STAG1: variants seen among roughly 807,000 people sequenced by gnomAD.
STAG1 encodes the protein cohesin subunit SA-1.
A neutral mutation model predicts 170.9 loss-of-function variants in STAG1; 26 were observed. The ratio of observed to expected loss-of-function variants is 0.15; its 90% confidence interval spans 0.11 to 0.21. The LOEUF (loss-of-function observed/expected upper bound fraction) is 0.21. Among genes scored for constraint, STAG1 ranks in the 10% least tolerant of loss-of-function variants. The pLI, the probability that STAG1 is intolerant of heterozygous loss-of-function variation, is 1.00. For synonymous variants in STAG1, 514 were observed against 497.7 expected, an observed-to-expected ratio of 1.03 and a Z score of -0.44; for missense variants, 964 against 1,509.5, an observed-to-expected ratio of 0.64 and a Z score of 5.99.
At chr3:136,719,409 T>G (rs1244911936) in intron 1 of STAG1, among the ~76,000 whole-genome samples, 1 of 151,996 alleles carries the variant, frequency 6.6e-6, no homozygotes, top group Non-Finnish European at 1.5e-5. Context: ...GTGATAGAAG[T>G]ATTCTGAAAT....
rs1342149445 is a variant in STAG1 at position 136,337,710 on chromosome 3, A to ATTAT, written c.*540_*543dup. ...TAGCTTGTCAATGTTCTGCTCCTTC[A>ATTAT]TTATTTGTGTTCCACAAAGGTCAAC... On this transcript the variant is annotated 3_prime_UTR_variant, in exon 34 of 34. Coordinates refer to ENST00000383202, the MANE Select transcript of STAG1 (RefSeq NM_005862.3). 2 of 152,642 alleles carry ATTAT rather than the reference A, an allele frequency of 1.3e-5. No individual in the cohort carries two copies. The highest frequency in any genetic ancestry group is 3.8e-4 in the East Asian group (2 of 5,196). 9.5% of individuals were successfully genotyped at this position (152,642 alleles called of 1,614,324 possible).
At chr3:136,744,725 G>A (rs919153758) in intron 1 of STAG1, among the ~76,000 whole-genome samples, 1 of 146,154 alleles carries the variant, frequency 6.8e-6, no homozygotes, top group Non-Finnish European at 1.5e-5. Context: ...ACCTACGCTG[G>A]AATGCAGTGG....
intron 5 of STAG1, among the ~76,000 whole-genome samples, chr3:136,547,606 C>G (rs1936209793): frequency 6.6e-6 from 1 of 152,176 alleles, no homozygotes; most frequent in Non-Finnish European, 1.5e-5. Context: ...CTTTCTGTGG[C>G]TGGCTTATTT....
chr3:136,645,996 T>C (rs941147954), intron 1 of STAG1, among the ~76,000 whole-genome samples: 24 of 152,180 alleles, frequency 1.6e-4, no homozygotes, highest in African/African-American at 5.6e-4. Context: ...CTACTTCATG[T>C]GCTACACTCC....
chr3:136,373,515 T>C (rs1937460669), intron 23 of STAG1, among the ~76,000 whole-genome samples: 1 of 152,198 alleles, frequency 6.6e-6, no homozygotes, highest in East Asian at 1.9e-4. Flanking sequence ...TACACACTGC[T>C]TTGAATGTGT....
At chr3:136,723,658 G>A (rs1933456762) in intron 1 of STAG1, among the ~76,000 whole-genome samples, 1 of 145,498 alleles carries the variant, frequency 6.9e-6, no homozygotes, top group Admixed American at 6.8e-5. Flanking sequence ...AGGGAGGTGG[G>A]GGGGTCAGCC....
chr3:136,605,506 ACT>A (rs1415963244), intron 3 of STAG1, among the ~76,000 whole-genome samples: 9 of 151,688 alleles, frequency 5.9e-5, no homozygotes, highest in African/African-American at 1.9e-4. Flanking sequence ...ATTTCTTGAA[ACT>A]CTCTTAACAG....
intron 1 of STAG1, among the ~76,000 whole-genome samples, chr3:136,640,659 G>A (rs1269731861): frequency 9.4e-5 from 14 of 149,372 alleles, no homozygotes; most frequent in African/African-American, 3.0e-4. Context: ...ATGAGCCACC[G>A]CACCTGGCCT....
At chr3:136,461,692 AAAAC>A (rs2089279699) in intron 13 of STAG1, among the ~76,000 whole-genome samples, 2 of 152,152 alleles carry the variant, frequency 1.3e-5, no homozygotes, top group Non-Finnish European at 2.9e-5. Flanking sequence ...AATAAAAGGA[AAAAC>A]AGACAAATGA....
At chr3:136,486,528 C>T (rs916170218) in intron 9 of STAG1, among the ~76,000 whole-genome samples, 4 of 152,162 alleles carry the variant, frequency 2.6e-5, no homozygotes, top group Non-Finnish European at 4.4e-5. Flanking sequence ...AGTATCTCTG[C>T]CGAGGATCCA....
At chr3:136,457,238 C>A (rs1362422757) in intron 13 of STAG1, among the ~76,000 whole-genome samples, 1 of 152,082 alleles carries the variant, frequency 6.6e-6, no homozygotes, top group African/African-American at 2.4e-5. Flanking sequence ...TGGATGGAAT[C>A]CAAGGCTCAG....
At chr3:136,574,974 C>T (rs1027953283) in intron 4 of STAG1, among the ~76,000 whole-genome samples, 1 of 152,082 alleles carries the variant, frequency 6.6e-6, no homozygotes, top group Admixed American at 6.6e-5. Context: ...CTTGCAATAA[C>T]AGATTTAAAA....
At chr3:136,476,765 A>C (rs192744300) in intron 10 of STAG1, among the ~76,000 whole-genome samples, 2 of 152,256 alleles carry the variant, frequency 1.3e-5, no homozygotes, top group East Asian at 3.9e-4. Flanking sequence ...AATTCCAATA[A>C]CTTATCACTC....
At chr3:136,357,457 G>C (rs1465841283) in intron 28 of STAG1, among the ~76,000 whole-genome samples, 1 of 152,156 alleles carries the variant, frequency 6.6e-6, no homozygotes, top group Non-Finnish European at 1.5e-5. Flanking sequence ...GGCTAAACCA[G>C]TGTTTATACA....
chr3:136,471,494 T>A, intron 12 of STAG1, among the ~76,000 whole-genome samples: 1 of 151,924 alleles, frequency 6.6e-6, no homozygotes, highest in East Asian at 1.9e-4. Flanking sequence ...AAAGCCACAA[T>A]AATAAAGAGC....
At chr3:136,443,208 A>G in intron 15 of STAG1, 79 bp downstream of exon 15, 1 of 939,122 alleles carries the variant, frequency 1.1e-6, no homozygotes. Flanking sequence ...GCTCATTTTT[A>G]AGAAGCGATC....
chr3:136,445,979 T>C (rs796687503), intron 14 of STAG1, among the ~76,000 whole-genome samples: 4 of 152,332 alleles, frequency 2.6e-5, no homozygotes, highest in African/African-American at 9.6e-5. Context: ...GTTAATTGAT[T>C]TATATTTACT....
rs1022154356 is a variant in STAG1, at chr3:136,367,026, G to C, written c.2602C>G (p.Leu868Val). The C allele has an allele frequency of 3.1e-6, 5 of 1,610,556 alleles. No individual in the cohort carries two copies. Among genetic ancestry groups the C allele is most frequent in the African/African-American group, 2.7e-5 (2 of 74,816 alleles). The part of the protein sequence containing the change: ...KIEALHKRRN[L>V]LAAFSKLIIY... ...ATAAGTTTGCTGAAAGCAGCAAGTA[G>C]ATTCCTTCTTTTATGTAAGGCCTCA... Residue 868 changes from leucine (L) to valine (V), a missense_variant, in exon 25 of 34, where the codon CTA (leucine) becomes GTA (valine). Coordinates refer to ENST00000383202, the MANE Select transcript of STAG1 (RefSeq NM_005862.3).
At chr3:136,425,098 A>G (rs1252860921) in intron 16 of STAG1, among the ~76,000 whole-genome samples, 1 of 152,154 alleles carries the variant, frequency 6.6e-6, no homozygotes, top group Non-Finnish European at 1.5e-5. Context: ...CCGGCCTCCC[A>G]AAGTGTTGGG....
Sources: gnomAD v4.1 joint callset for allele counts (sites outside exome capture counted in the v4.1 genomes callset) on GRCh38, gnomAD v4.1.1 for gene constraint, MANE v1.5 for transcripts, NCBI Gene and HGNC (gene_info 2026-07-23, HGNC 2026-07-21) for gene names.